MGAT5: variants seen among roughly 807,000 people sequenced by gnomAD.
MGAT5 encodes alpha-1,6-mannosylglycoprotein 6-beta-N-acetylglucosaminyltransferase A.
A neutral mutation model predicts 94.3 loss-of-function variants in MGAT5; 30 were observed. The ratio of observed to expected loss-of-function variants is 0.32; its 90% CI spans 0.24 to 0.43. MGAT5 has a LOEUF of 0.43. Among genes scored for constraint, MGAT5 ranks in the 20% least tolerant of loss-of-function variants. The pLI is 1.00. For synonymous variants in MGAT5, 310 were observed against 322.9 expected (o/e 0.96, Z 0.43); for missense variants, 691 against 905.5 (o/e 0.76, Z 3.04).
intron 2 of MGAT5, among the ~76,000 whole-genome samples, chr2:134,285,289 A>G (rs1684937215): frequency 6.6e-6 from 1 of 152,120 alleles, no homozygotes; most frequent in Non-Finnish European, 1.5e-5. Context: ...TTGCATAAAG[A>G]TTATAATTGT....
chr2:134,193,060 T>C (rs1314740910), intron 1 of MGAT5, among the ~76,000 whole-genome samples: 1 of 152,074 alleles, frequency 6.6e-6, no homozygotes, highest in Admixed American at 6.5e-5. Flanking sequence ...AAACAGTAAT[T>C]TCACTTGGAA....
intron 4 of MGAT5, among the ~76,000 whole-genome samples, chr2:134,327,133 C>G (rs1480605401): frequency 6.6e-6 from 1 of 151,896 alleles, no homozygotes; most frequent in African/African-American, 2.4e-5. Flanking sequence ...CTAACCCTTC[C>G]GATCTTAAAA....
intron 1 of MGAT5, among the ~76,000 whole-genome samples, chr2:134,242,073 A>G (rs1318220738): frequency 1.3e-5 from 2 of 152,236 alleles, no homozygotes; most frequent in East Asian, 3.8e-4. Flanking sequence ...TTTGAAGTCA[A>G]CTGGGAAAGT....
chr2:134,250,261 G>A (rs1487090187), upstream of MGAT5, among the ~76,000 whole-genome samples: 2 of 152,194 alleles, frequency 1.3e-5, no homozygotes, highest in East Asian at 1.9e-4. Context: ...TGAAGTCACG[G>A]CCATGAGCTG....
intron 14 of MGAT5, among the ~76,000 whole-genome samples, chr2:134,436,798 T>C (rs1023875224): frequency 2.6e-5 from 4 of 152,172 alleles, no homozygotes; most frequent in African/African-American, 9.7e-5. Flanking sequence ...CAGCTCCATG[T>C]CTTACTATCT....
At chr2:134,361,272 G>C (rs1263805389) in intron 9 of MGAT5, among the ~76,000 whole-genome samples, 1 of 152,196 alleles carries the variant, frequency 6.6e-6, no homozygotes, top group East Asian at 1.9e-4. Context: ...TCACCAGGAG[G>C]AATTTGGTTT....
intron 10 of MGAT5, among the ~76,000 whole-genome samples, chr2:134,387,381 A>G (rs1464474632): frequency 1.7e-5 from 2 of 115,550 alleles, no homozygotes; most frequent in Admixed American, 2.3e-4. Context: ...ACTAGATTTC[A>G]TAGAGTATTG....
chr2:134,155,269 T>C (rs1393788990), intron 1 of MGAT5, among the ~76,000 whole-genome samples: 1 of 152,194 alleles, frequency 6.6e-6, no homozygotes, highest in African/African-American at 2.4e-5. Flanking sequence ...TGTCCTTTGC[T>C]TCCATTCTCA....
chr2:134,391,891 T>A (rs1010014946), intron 10 of MGAT5, among the ~76,000 whole-genome samples: 2 of 152,124 alleles, frequency 1.3e-5, no homozygotes, highest in African/African-American at 4.8e-5. Flanking sequence ...ACCTGAAGAG[T>A]CCAGGTGCAG....
chr2:134,443,471 C>T (rs1285465043), intron 15 of MGAT5, among the ~76,000 whole-genome samples: 4 of 152,188 alleles, frequency 2.6e-5, no homozygotes, highest in Non-Finnish European at 4.4e-5. Context: ...GTATTACAGG[C>T]GTGAGCCATC....
At chr2:134,345,581 G>T in intron 8 of MGAT5, among the ~76,000 whole-genome samples, 1 of 152,156 alleles carries the variant, frequency 6.6e-6, no homozygotes, top group East Asian at 1.9e-4. Flanking sequence ...TTATTTAGTA[G>T]AGTAGCTCAG....
At chr2:134,249,101 C>T (rs140140955), upstream of MGAT5, among the ~76,000 whole-genome samples, 27 of 152,242 alleles carry the variant, frequency 1.8e-4, no homozygotes, top group African/African-American at 4.8e-5. Context: ...AGGCCCATGG[C>T]CAGCCCTTAG....
intron 1 of MGAT5, among the ~76,000 whole-genome samples, chr2:134,265,087 TGA>T (rs760028677): frequency 1.3e-5 from 2 of 152,134 alleles, no homozygotes; most frequent in African/African-American, 2.4e-5. Context: ...CTGCACAAAG[TGA>T]GTCTGATGCA....
At chr2:134,390,453 A>G (rs1440134406) in intron 10 of MGAT5, among the ~76,000 whole-genome samples, 5 of 152,224 alleles carry the variant, frequency 3.3e-5, no homozygotes, top group African/African-American at 4.8e-5. Flanking sequence ...TGCTGCACCC[A>G]TTAACTCGTC....
chr2:134,305,803 G>A (rs546705308), intron 2 of MGAT5, among the ~76,000 whole-genome samples: 82 of 152,222 alleles, frequency 5.4e-4, no homozygotes, highest in African/African-American at 1.4e-3. Context: ...TGAGAAGAGG[G>A]GACTTGGCAA....
chr2:134,428,624 T>G (rs1202923177), intron 14 of MGAT5, among the ~76,000 whole-genome samples, 185 bp downstream of exon 14: 1 of 151,930 alleles, frequency 6.6e-6, no homozygotes, highest in African/African-American at 2.4e-5. Flanking sequence ...TCCCTTGGAG[T>G]AGGTATGTTC....
intron 1 of MGAT5, among the ~76,000 whole-genome samples, chr2:134,131,012 T>TG (rs1219907333): frequency 6.6e-6 from 1 of 152,238 alleles, no homozygotes; most frequent in Non-Finnish European, 1.5e-5. Flanking sequence ...GGCAACCCCC[T>TG]GGGGTCCCCT....
In MGAT5 at chr2:134,345,054, G is replaced by A. The variant is rs201546855; in HGVS notation, c.1102G>A (p.Val368Ile). 6.2e-7 allele frequency: 1 copy of A among 1,612,836 alleles called. No individual in the cohort carries two copies. The highest frequency in any genetic ancestry group is 1.3e-5 in the African/African-American group (1 of 74,844). The part of the protein sequence containing the change: ...QFKKTLGPSW[V>I]HYQCMLRVLD... The stretch of plus-strand genomic sequence containing the variant: ...CAAGAAAACTCTTGGACCATCCTGG[G>A]TTCATTACCAGTAAGTGCTACATGG... The change falls in exon 8 of 16, where the codon GTT (valine) becomes ATT (isoleucine). Residue 368 changes from valine (V) to isoleucine (I), a missense_variant. By Grantham distance (29) the Val-to-Ile change is conservative (BLOSUM62 3). Around this residue, in one of 4 missense-constraint regions of MGAT5, gnomAD observed 121 missense variants for 206.1 expected, o/e 0.59. Transcript: ENST00000281923.
chr2:134,373,512 G>T (rs762521280), intron 10 of MGAT5, among the ~76,000 whole-genome samples: 4 of 152,190 alleles, frequency 2.6e-5, no homozygotes, highest in African/African-American at 9.7e-5. Context: ...TTGATTATGC[G>T]ATTTTCCACC....
Sources: gnomAD v4.1 joint callset for allele counts (sites outside exome capture counted in the v4.1 genomes callset) on GRCh38, gnomAD v4.1.1 for gene constraint, gnomAD v4.1.1 regional missense constraint, MANE v1.5 for transcripts, NCBI Gene and HGNC (gene_info 2026-07-23, HGNC 2026-07-21) for gene names.